ZNF536: variants seen among roughly 807,000 people sequenced by gnomAD.
The protein encoded by ZNF536 is zinc finger protein 536.
Under a neutral mutation model 84.5 loss-of-function variants are expected in ZNF536, and 13 were observed. The ratio of observed to expected loss-of-function variants is 0.15; its 90% CI spans 0.10 to 0.24. The LOEUF (loss-of-function observed/expected upper bound fraction) is 0.24. Among genes scored for constraint, ZNF536 ranks in the 10% least tolerant of loss-of-function variants. The pLI is 1.00. For synonymous variants in ZNF536, 811 were observed against 742.5 expected, an observed-to-expected ratio of 1.09 and a Z score of -1.50; for missense variants, 1,536 against 1,747.5, an observed-to-expected ratio of 0.88 and a Z score of 2.16.
rs1038854144 is a variant in ZNF536 at position 30,330,897 on chromosome 19, G to T, written c.-119-21471G>T. On this transcript the variant is annotated intron_variant, in intron 2 of 5. Coordinates refer to the ZNF536 transcript ENST00000585628. Reference sequence around the variant, plus strand: ...TCTCAAAACATAACTTCACTGCTCCGCTCACACAATTGCAGTCAAGGAATT... The same window carrying T: ...TCTCAAAACATAACTTCACTGCTCCTCTCACACAATTGCAGTCAAGGAATT... 7.2e-5 allele frequency among the ~76,000 whole-genome samples: 11 copies of T among 152,126 alleles called. No homozygotes were observed. In the East Asian group the frequency reaches 2.1e-3, roughly 29 times the overall value.
chr19:30,625,665 A>G (rs773708857), intron 1 of ZNF536, among the ~76,000 whole-genome samples: 2 of 152,344 alleles, frequency 1.3e-5, no homozygotes, highest in Non-Finnish European at 2.9e-5. Flanking sequence ...TCTAATCTCC[A>G]GGATCCCTCA....
At chr19:30,551,160 C>A (rs946956568) in intron 4 of ZNF536, among the ~76,000 whole-genome samples, 12 of 139,464 alleles carry the variant, frequency 8.6e-5, no homozygotes, top group Non-Finnish European at 1.5e-5. Context: ...ATTTTCAGTT[C>A]TTTCAACTAC....
rs550149013 is a variant in ZNF536 at position 30,257,362 on chromosome 19, C to T, written c.-189-26710C>T. Among the ~76,000 whole-genome samples the T allele has an allele frequency of 3.9e-5, 6 of 152,296 alleles. No individual in the cohort carries two copies. In the South Asian group the frequency reaches 6.2e-4, roughly 16 times the overall value. On this transcript the variant is annotated intron_variant, in intron 1 of 5. Transcript: ENST00000585628. ...TCATCAAAAGCCACATTTATCTTTT[C>T]GAAGGTGGGGCAAATGTTTAATGTT...
At chr19:30,346,256 T>C (rs1481537354) in intron 2 of ZNF536, among the ~76,000 whole-genome samples, 2 of 152,198 alleles carry the variant, frequency 1.3e-5, no homozygotes, top group African/African-American at 4.8e-5. Flanking sequence ...GAAGATTTCC[T>C]CGGGAAAAGG....
chr19:30,364,418 TCGG>T (rs2048363751), intron 3 of ZNF536, among the ~76,000 whole-genome samples: 1 of 152,126 alleles, frequency 6.6e-6, no homozygotes, highest in African/African-American at 2.4e-5. Context: ...TCCTAGCTAC[TCGG>T]GAGGCTGAGG....
At chr19:30,283,266 C>T (rs2045514513) in intron 1 of ZNF536, among the ~76,000 whole-genome samples, 1 of 152,132 alleles carries the variant, frequency 6.6e-6, no homozygotes, top group Non-Finnish European at 1.5e-5. Flanking sequence ...AATGAGAATC[C>T]AAATTGCACT....
At chr19:30,248,998 A>G (rs1469829321) in intron 1 of ZNF536, among the ~76,000 whole-genome samples, 1 of 152,224 alleles carries the variant, frequency 6.6e-6, no homozygotes, top group Non-Finnish European at 1.5e-5. Context: ...TTGGTTGTGC[A>G]TAATTAATGC....
At chr19:30,690,188 A>C (rs572900508) in intron 1 of ZNF536, among the ~76,000 whole-genome samples, 1 of 152,220 alleles carries the variant, frequency 6.6e-6, no homozygotes, top group African/African-American at 2.4e-5. Context: ...TTTGTTAGGT[A>C]TCAATGGGGA....
intron 2 of ZNF536, among the ~76,000 whole-genome samples, chr19:30,291,588 A>G (rs918792905): frequency 2.0e-5 from 3 of 151,736 alleles, no homozygotes; most frequent in Admixed American, 6.6e-5. Flanking sequence ...TCAAGACCCC[A>G]CTCTTAATTC....
intron 1 of ZNF536, among the ~76,000 whole-genome samples, chr19:30,392,035 G>GGATTCTA (rs1815633212): frequency 6.6e-6 from 1 of 152,140 alleles, no homozygotes. Context: ...AAGTGTGCAT[G>GGATTCTA]GATTCTAGGT....
rs748545374 is a variant in ZNF536 at position 30,636,826 on chromosome 19, G to A, written c.170-73931G>A. Among the ~76,000 whole-genome samples the A allele has an allele frequency of 5.9e-5, 9 of 152,178 alleles. 1 individual carries two copies. Among genetic ancestry groups the A allele is most frequent in the Non-Finnish European group, 8.8e-5 (6 of 68,030 alleles). Reference sequence around the variant, plus strand: ...GCGGGCCTGGGGACGGGGGCAGGCCGTGTCTTCTCTGGTCCCTGGCCTCAT... The same window carrying A: ...GCGGGCCTGGGGACGGGGGCAGGCCATGTCTTCTCTGGTCCCTGGCCTCAT... On this transcript the variant is annotated intron_variant, in intron 1 of 1. Transcript: ENST00000592773.
At chr19:30,357,695 G>A (rs899325155) in intron 3 of ZNF536, among the ~76,000 whole-genome samples, 1 of 152,136 alleles carries the variant, frequency 6.6e-6, no homozygotes, top group Non-Finnish European at 1.5e-5. Flanking sequence ...GGGCCCGGTA[G>A]CTCCTCAGGC....
intron 1 of ZNF536, among the ~76,000 whole-genome samples, chr19:30,390,829 C>T (rs138236658): frequency 1.3e-5 from 2 of 152,250 alleles, no homozygotes; most frequent in Non-Finnish European, 2.9e-5. Flanking sequence ...ACACTCAGCC[C>T]CCGTTGGCAC....
At chr19:30,246,075 T>C (rs1361971816) in intron 1 of ZNF536, among the ~76,000 whole-genome samples, 1 of 152,104 alleles carries the variant, frequency 6.6e-6, no homozygotes, top group African/African-American at 2.4e-5. Flanking sequence ...GGCCCCCTGA[T>C]TGGTGAGCCG....
Position 30,549,478 on chromosome 19 carries a change from G to A in ZNF536, c.3859G>A (p.Ala1287Thr), listed in dbSNP as rs776570022. The A allele has an allele frequency of 8.6e-6, 13 of 1,517,496 alleles. No homozygotes were observed. Among genetic ancestry groups the A allele is most frequent in the South Asian group, 8.0e-5 (6 of 75,190 alleles). The allele number at this position is 1,517,496 out of a possible 1,614,324, so 94.0% of individuals were successfully genotyped here. The change falls in exon 4 of 5, where the codon GCA becomes ACA. Residue 1287 changes from alanine (A) to threonine (T), a missense_variant. This residue lies in a region of ZNF536 where 624 missense variants were observed against 603.1 expected (regional missense o/e 1.03). Coordinates refer to ENST00000355537, the MANE Select transcript of ZNF536 (RefSeq NM_014717.3). ...CTTTAACGGACTTGCAAGTAGCACAGCAAATTCTGGATGTATCAAGAGGCC... is the reference window on the plus strand; with the variant it reads ...CTTTAACGGACTTGCAAGTAGCACAACAAATTCTGGATGTATCAAGAGGCC... The part of the protein sequence containing the change: ...AAFNGLASST[A>T]NSGCIKRPDL...
intron 1 of ZNF536, among the ~76,000 whole-genome samples, chr19:30,627,421 T>A (rs2048721079): frequency 7.5e-6 from 1 of 134,194 alleles, no homozygotes; most frequent in African/African-American, 2.9e-5. Flanking sequence ...CAGTGAGCCA[T>A]GGTTGTGACA....
At chr19:30,274,694 A>C (rs751698389) in intron 1 of ZNF536, among the ~76,000 whole-genome samples, 1 of 152,140 alleles carries the variant, frequency 6.6e-6, no homozygotes, top group Middle Eastern at 3.2e-3. Flanking sequence ...TGGTGTATAG[A>C]CCATTTCGTC....
chr19:30,536,735 A>T (rs2045098150), intron 3 of ZNF536, among the ~76,000 whole-genome samples: 1 of 151,956 alleles, frequency 6.6e-6, no homozygotes. Flanking sequence ...CCTATCAGAA[A>T]CCACAGCCTG....
At chr19:30,630,851 C>T (rs1193330456) in intron 1 of ZNF536, among the ~76,000 whole-genome samples, 1 of 152,188 alleles carries the variant, frequency 6.6e-6, no homozygotes, top group Admixed American at 6.5e-5. Flanking sequence ...AATTAATTTG[C>T]ACGTGAATCA....
Sources: allele counts gnomAD v4.1 joint callset (sites outside exome capture counted in the v4.1 genomes callset), GRCh38; gene constraint gnomAD v4.1.1; regional missense constraint gnomAD v4.1.1; transcripts MANE v1.5; gene names NCBI Gene and HGNC (gene_info 2026-07-23, HGNC 2026-07-21).